The following SUN1 variants were observed in gnomAD, a reference collection of about 807,000 sequenced individuals.
The protein encoded by SUN1 is SUN domain-containing protein 1.
A neutral mutation model predicts 103.2 loss-of-function variants in SUN1; 61 were observed. The ratio of observed to expected loss-of-function variants is 0.59; its 90% CI spans 0.48 to 0.73. The LOEUF is 0.73. SUN1 is among the 30% of genes least tolerant of loss of function. The pLI, the probability that SUN1 is intolerant of heterozygous loss-of-function variation, is 0.00. For missense variants in SUN1, 1,052 were observed against 1,034.6 expected (o/e 1.02, Z -0.23); for synonymous variants, 490 against 425.7 (o/e 1.15, Z -1.86).
upstream of SUN1, chr7:830,864 C>T (rs191459174): frequency 3.3e-4 from 268 of 823,166 alleles, 1 homozygote; most frequent in African/African-American, 4.5e-3. Flanking sequence ...GGTTGTTGCT[C>T]GGCAGTGCAG....
chr7:869,879 C>G (rs982778610), intron 17 of SUN1, among the ~76,000 whole-genome samples: 1 of 152,114 alleles, frequency 6.6e-6, no homozygotes, highest in African/African-American at 2.4e-5. Context: ...ACCCACCATT[C>G]ATACTGTGGT....
At position 847,015 on chromosome 7, in the gene SUN1, A is replaced by T. The variant is rs188793122; in HGVS notation, c.658+3495A>T. ...CAAGAGCTTATCTCTAAAAAAAATT[A>T]AAAATAAAAATAATAAATAGCAAAG... is the stretch of plus-strand genomic sequence containing the variant. On this transcript the variant is annotated intron_variant, in intron 5 of 18. Coordinates refer to ENST00000401592, the MANE Select transcript of SUN1 (RefSeq NM_001130965.3). 3.6e-3 allele frequency among the ~76,000 whole-genome samples: 554 copies of T among 152,342 alleles called. 3 individuals are homozygous for T. Among genetic ancestry groups the T allele is most frequent in the African/African-American group, 0.012 (509 of 41,574 alleles).
chr7:853,908 T>C (rs961167953), intron 10 of SUN1, among the ~76,000 whole-genome samples: 4 of 152,178 alleles, frequency 2.6e-5, no homozygotes, highest in African/African-American at 7.2e-5. Flanking sequence ...TGGTCTTTCC[T>C]GTCCTGTTCT....
At chr7:854,580 C>G (rs542502306) in intron 10 of SUN1, among the ~76,000 whole-genome samples, 1 of 152,220 alleles carries the variant, frequency 6.6e-6, no homozygotes, top group Non-Finnish European at 1.5e-5. Context: ...GCCTTGGGCT[C>G]TCACGTGGTC....
chr7:849,935 A>G, intron 5 of SUN1: 1 of 1,598,160 alleles, frequency 6.3e-7, no homozygotes, highest in Non-Finnish European at 8.5e-7. Flanking sequence ...GACGACTGTA[A>G]GGGCAAGAGG....
chr7:825,194 G>A (rs1790477344), intron 1 of SUN1, among the ~76,000 whole-genome samples: 1 of 152,000 alleles, frequency 6.6e-6, no homozygotes, highest in Non-Finnish European at 1.5e-5. Flanking sequence ...GAGTAGCTGG[G>A]ACTACAGGCG....
intron 16 of SUN1, chr7:868,532 G>T (rs1251397534): frequency 5.9e-5 from 15 of 254,410 alleles, no homozygotes; most frequent in Admixed American, 3.5e-4. Context: ...TGGTCGGATG[G>T]GGGGGCAGTG....
rs1159119275 is a variant in SUN1, at chr7:857,910, C to T, written c.1477C>T (p.Arg493Ter). ...DQLKSELSSW[R>*]HVKTGCETVD... ...GCTAAAGTCAGAGCTGTCCAGCTGG[C>T]GACACGTGAAGACCGGCTGTGAGAC... The change falls in exon 13 of 19, where the codon CGA becomes TGA. Residue 493 changes from arginine to a stop codon, truncating the protein, a stop_gained. Transcript: ENST00000401592. LOFTEE classifies it high-confidence loss of function. 3 of 1,601,566 alleles carry T rather than the reference C, an allele frequency of 1.9e-6. No individual in the cohort carries two copies. The highest frequency in any genetic ancestry group is 1.1e-5 in the South Asian group (1 of 90,508).
At chr7:871,805 T>C (rs1434964492) in intron 17 of SUN1, among the ~76,000 whole-genome samples, 2 of 152,240 alleles carry the variant, frequency 1.3e-5, no homozygotes, top group East Asian at 1.9e-4. Flanking sequence ...AAAATAGATA[T>C]GCAAATAGTC....
chr7:860,024 T>G, intron 13 of SUN1, 104 bp from the exon 14 acceptor site: 4 of 1,394,512 alleles, frequency 2.9e-6, no homozygotes, highest in Non-Finnish European at 3.9e-6. Context: ...TTCTAGATTT[T>G]GAGAGGATAT....
chr7:816,883 C>G (rs1346460734), intron 1 of SUN1: 5 of 151,266 alleles, frequency 3.3e-5, no homozygotes, highest in Admixed American at 3.3e-4. Flanking sequence ...TGAAGACGCC[C>G]GGAGACCCTG....
At chr7:851,048 T>G in intron 5 of SUN1, 1 of 193,334 alleles carries the variant, frequency 5.2e-6, no homozygotes. Context: ...CCAATATAAA[T>G]TGTGCTGGCA....
intron 1 of SUN1, among the ~76,000 whole-genome samples, chr7:835,046 AGC>A (rs1801661775): frequency 1.3e-5 from 2 of 152,256 alleles, no homozygotes; most frequent in South Asian, 4.1e-4. Context: ...ACTGCAGTCC[AGC>A]CTGGGAGACG....
At chr7:841,016 C>T (rs1213084981) in intron 2 of SUN1, among the ~76,000 whole-genome samples, 1 of 152,020 alleles carries the variant, frequency 6.6e-6, no homozygotes, top group Non-Finnish European at 1.5e-5. Flanking sequence ...TCACCGCAAC[C>T]TCTGCCTTCC....
upstream of SUN1, among the ~76,000 whole-genome samples, chr7:831,735 G>A (rs1160651198): frequency 6.6e-6 from 1 of 152,164 alleles, no homozygotes; most frequent in South Asian, 2.1e-4. Context: ...TCAGTTATTT[G>A]TACAAAAGTG....
chr7:864,114 C>T (rs925449838), intron 15 of SUN1, among the ~76,000 whole-genome samples: 1 of 151,966 alleles, frequency 6.6e-6, no homozygotes, highest in African/African-American at 2.4e-5. Context: ...TTTGTGGGTA[C>T]ATAGGTGCAC....
At chr7:847,392 C>G (rs1162136116) in intron 5 of SUN1, among the ~76,000 whole-genome samples, 1 of 148,352 alleles carries the variant, frequency 6.7e-6, no homozygotes, top group Non-Finnish European at 1.5e-5. Context: ...GCAGTCCAGT[C>G]TCCGGGATCC....
In SUN1 at chr7:860,169, C is replaced by A. The variant is rs751680664; in HGVS notation, c.1566C>A (p.Ser522=). 1.2e-6 allele frequency: 2 copies of A among 1,614,168 alleles called. No individual in the cohort carries two copies. Among genetic ancestry groups the A allele is most frequent in the Non-Finnish European group, 8.5e-7 (1 of 1,180,028 alleles). ...GAGAAATGGTGAAACTCCTGTTTTC[C>A]GAAGATCAGCAAGGCGGTTCTCTGG... The part of the protein sequence containing the change: ...QVREMVKLLF[S]EDQQGGSLEQ... The change falls in exon 14 of 19, where the codon TCC becomes TCA. Residue 522 remains serine, a synonymous_variant. Coordinates refer to ENST00000401592, the MANE Select transcript of SUN1 (RefSeq NM_001130965.3).
chr7:831,273 CTTT>C (rs66807442), upstream of SUN1, among the ~76,000 whole-genome samples: 8 of 136,182 alleles, frequency 5.9e-5, no homozygotes, highest in Non-Finnish European at 4.7e-5. Flanking sequence ...TTGAAACGTG[CTTT>C]TTTTTTTTTT....
Sources: gnomAD v4.1 joint callset for allele counts (sites outside exome capture counted in the v4.1 genomes callset) on GRCh38, gnomAD v4.1.1 for gene constraint, MANE v1.5 for transcripts, NCBI Gene and HGNC (gene_info 2026-07-23, HGNC 2026-07-21) for gene names.